Variants in LDHC observed in about 807,000 individuals in gnomAD.
LDHC encodes L-lactate dehydrogenase C chain.
A neutral mutation model predicts 30.2 loss-of-function variants in LDHC; 20 were observed. The ratio of observed to expected loss-of-function variants is 0.66; its 90% CI spans 0.47 to 0.96. LDHC has a LOEUF of 0.96. Among genes scored for constraint, LDHC ranks in the 40% least tolerant of loss-of-function variants. The pLI, the probability that LDHC is intolerant of heterozygous loss-of-function variation, is 0.00. For synonymous variants in LDHC, 139 were observed against 132.7 expected, an observed-to-expected ratio of 1.05 and a Z score of -0.32; for missense variants, 362 against 394.9, an observed-to-expected ratio of 0.92 and a Z score of 0.71.
At chr11:18,428,995 A>G (rs1237275566) in intron 3 of LDHC, among the ~76,000 whole-genome samples, 5 of 152,180 alleles carry the variant, frequency 3.3e-5, no homozygotes, top group Admixed American at 3.3e-4. Context: ...TGGGTGGGTC[A>G]AGAACTTGTT....
At chr11:18,431,223 G>A (rs1256106327) in intron 4 of LDHC, among the ~76,000 whole-genome samples, 1 of 152,084 alleles carries the variant, frequency 6.6e-6, no homozygotes, top group Non-Finnish European at 1.5e-5. Context: ...CACTTTGGGA[G>A]CCTAAGGCAG....
At chr11:18,437,802 T>G (rs1398281720) in intron 5 of LDHC, among the ~76,000 whole-genome samples, 5 of 150,324 alleles carry the variant, frequency 3.3e-5, no homozygotes, top group African/African-American at 1.2e-4. Context: ...TAGTGGCTCA[T>G]GCCTGTAATC....
At chr11:18,418,575 G>A (rs940042987) in intron 3 of LDHC, among the ~76,000 whole-genome samples, 1 of 151,816 alleles carries the variant, frequency 6.6e-6, no homozygotes, top group Non-Finnish European at 1.5e-5. Flanking sequence ...GATTACAGGT[G>A]CATACCACCA....
chr11:18,429,665 G>C, intron 3 of LDHC, 72 bp from the exon 4 acceptor site: 1 of 789,376 alleles, frequency 1.3e-6, no homozygotes, highest in South Asian at 2.0e-5. Flanking sequence ...ACATACAATA[G>C]AGTTTTAAGG....
intron 6 of LDHC, among the ~76,000 whole-genome samples, chr11:18,444,778 A>T (rs1848528276): frequency 6.6e-6 from 1 of 151,794 alleles, no homozygotes; most frequent in African/African-American, 2.4e-5. Context: ...CCTTTCTAAA[A>T]GTTAAATAAA....
intron 6 of LDHC, among the ~76,000 whole-genome samples, chr11:18,442,235 T>C (rs1273707444): frequency 6.6e-6 from 1 of 152,152 alleles, no homozygotes. Context: ...AGTTCTATGA[T>C]AGTTAATAGT....
intron 4 of LDHC, among the ~76,000 whole-genome samples, chr11:18,433,721 C>T (rs1405733779): frequency 6.6e-6 from 1 of 152,152 alleles, no homozygotes; most frequent in African/African-American, 2.4e-5. Context: ...TGTCTCACAG[C>T]TCTTAAGATT....
intron 2 of LDHC, 131 bp downstream of exon 2, chr11:18,412,974 C>A: frequency 2.4e-6 from 1 of 424,952 alleles, no homozygotes. Context: ...TTCCTCCCTC[C>A]CTCCCTCCCT....
rs80001862 is a variant in LDHC at position 18,449,951 on chromosome 11, T to C, written c.835-1012T>C. 2.2e-3 allele frequency among the ~76,000 whole-genome samples: 333 copies of C among 151,998 alleles called. 11 individuals are homozygous for C. In the East Asian group the frequency reaches 0.059, roughly 27 times the overall value. ...TCCTGGAGAAGAACAATGCCCTCCC[T>C]TCTCCCACAACCCCAGACTCAGCCC... On this transcript the variant is annotated intron_variant, in intron 7 of 7. Transcript: ENST00000541669.
intron 6 of LDHC, among the ~76,000 whole-genome samples, chr11:18,439,064 G>T (rs1848409973): frequency 6.6e-6 from 1 of 152,182 alleles, no homozygotes; most frequent in Non-Finnish European, 1.5e-5. Context: ...AATACTACAT[G>T]TAAAATGCTA....
chr11:18,425,873 G>A lies in LDHC; in HGVS notation c.245-3864G>A, dbSNP rs550730635. Among the ~76,000 whole-genome samples, 505 of 151,956 alleles carry A rather than the reference G, an allele frequency of 3.3e-3. 5 individuals are homozygous for A. The highest frequency in any genetic ancestry group is 0.012 in the African/African-American group (484 of 41,428). On this transcript the variant is annotated intron_variant, in intron 3 of 7. Coordinates refer to ENST00000541669, the MANE Select transcript of LDHC (RefSeq NM_017448.5). ...GGAGAATGGCATGAACCCAGGAGGC[G>A]GAGCTTGCAGTGAGCCGAGATCGCG...
At chr11:18,418,708 T>G (rs908621660) in intron 3 of LDHC, among the ~76,000 whole-genome samples, 1 of 152,150 alleles carries the variant, frequency 6.6e-6, no homozygotes, top group African/African-American at 2.4e-5. Context: ...ATTATAGGTG[T>G]GAGCCACCGC....
intron 6 of LDHC, among the ~76,000 whole-genome samples, chr11:18,444,604 GTA>G (rs60764598): frequency 0.038 from 3,310 of 87,016 alleles, 69 homozygotes; most frequent in Non-Finnish European, 0.052. Flanking sequence ...TGTTCAGGTG[GTA>G]TATATATATA....
chr11:18,419,458 C>T lies in LDHC; in HGVS notation c.244+4157C>T, dbSNP rs73436647. Among the ~76,000 whole-genome samples the T allele has an allele frequency of 7.8e-3, 1,189 of 152,282 alleles. 21 individuals carry two copies. Among genetic ancestry groups the T allele is most frequent in the African/African-American group, 0.027 (1,124 of 41,544 alleles). On this transcript the variant is annotated intron_variant, in intron 3 of 7. Coordinates refer to ENST00000541669, the MANE Select transcript of LDHC (RefSeq NM_017448.5). ...AATATACCTGCTAAGGATTTGGAAC[C>T]ACAAGCTGGCTCTTATTTGAATTCC...
intron 3 of LDHC, among the ~76,000 whole-genome samples, chr11:18,422,188 A>C (rs145551768): frequency 6.6e-6 from 1 of 152,154 alleles, no homozygotes; most frequent in African/African-American, 2.4e-5. Flanking sequence ...ATGAATTAAA[A>C]AGAAGATAGA....
intron 3 of LDHC, among the ~76,000 whole-genome samples, chr11:18,422,522 C>G (rs148073316): frequency 1.9e-4 from 28 of 150,902 alleles, no homozygotes; most frequent in African/African-American, 6.6e-4. Context: ...GCAGTGCACT[C>G]CAGCCTGGGC....
intron 2 of LDHC, 110 bp from the exon 3 acceptor site, chr11:18,415,074 C>T (rs1222505081): frequency 8.6e-6 from 5 of 580,590 alleles, no homozygotes; most frequent in Non-Finnish European, 1.5e-5. Flanking sequence ...ATCATTTTTC[C>T]CTATTAAAAT....
chr11:18,438,926 T>G (rs1169925518), intron 6 of LDHC, among the ~76,000 whole-genome samples: 1 of 152,214 alleles, frequency 6.6e-6, no homozygotes, highest in Admixed American at 6.5e-5. Context: ...TGAAACCTGC[T>G]TCATCATTTA....
intron 3 of LDHC, among the ~76,000 whole-genome samples, chr11:18,425,801 G>A (rs978939207): frequency 1.3e-5 from 2 of 151,858 alleles, no homozygotes; most frequent in Non-Finnish European, 1.5e-5. Flanking sequence ...TTAGCCAGGC[G>A]TGTTGGCAGG....
Sources: gnomAD v4.1 joint callset for allele counts (sites outside exome capture counted in the v4.1 genomes callset) on GRCh38, gnomAD v4.1.1 for gene constraint, MANE v1.5 for transcripts, NCBI Gene and HGNC (gene_info 2026-07-23, HGNC 2026-07-21) for gene names.